The following NALCN variants were observed in gnomAD, a reference collection of about 807,000 sequenced individuals.
NALCN encodes sodium leak channel NALCN.
Under a neutral mutation model 225.3 loss-of-function variants are expected in NALCN, and 111 were observed. The ratio of observed to expected loss-of-function variants is 0.49; its 90% CI spans 0.42 to 0.58. The LOEUF is 0.58. Among genes scored for constraint, NALCN ranks in the 20% least tolerant of loss-of-function variants. The pLI is 0.00. For synonymous variants in NALCN, 764 were observed against 769.0 expected (o/e 0.99, Z 0.11); for missense variants, 1,378 against 2,202.4 (o/e 0.63, Z 7.49).
At chr13:101,236,047 A>G (rs192627886) in intron 12 of NALCN, among the ~76,000 whole-genome samples, 34 of 152,336 alleles carry the variant, frequency 2.2e-4, no homozygotes, top group Admixed American at 2.2e-3. Flanking sequence ...ATATCTATTT[A>G]GAAAACAATC....
chr13:101,151,216 G>C (rs1208470497), intron 15 of NALCN, among the ~76,000 whole-genome samples: 1 of 152,168 alleles, frequency 6.6e-6, no homozygotes, highest in Non-Finnish European at 1.5e-5. Context: ...AAGAGACTTC[G>C]GGTGTAATTG....
At chr13:101,416,568 T>TA (rs1555349737), upstream of NALCN, 4 of 152,132 alleles carry the variant, frequency 2.6e-5, no homozygotes, top group Non-Finnish European at 5.9e-5. Context: ...TTCGGGCCTT[T>TA]AAAAAATTAT....
At chr13:101,070,985 TG>T (rs1173658576) in intron 37 of NALCN, among the ~76,000 whole-genome samples, 2 of 151,948 alleles carry the variant, frequency 1.3e-5, no homozygotes, top group Non-Finnish European at 2.9e-5. Flanking sequence ...GCCAAGAAAA[TG>T]GGGGGAAAAA....
intron 15 of NALCN, among the ~76,000 whole-genome samples, chr13:101,147,387 C>T (rs1459395603): frequency 1.5e-5 from 2 of 133,632 alleles, no homozygotes; most frequent in Admixed American, 1.6e-4. Context: ...TGGAGTCTTG[C>T]TCTGTCTCCC....
At chr13:101,413,845 G>C (rs1401353871) in intron 1 of NALCN, among the ~76,000 whole-genome samples, 1 of 152,128 alleles carries the variant, frequency 6.6e-6, no homozygotes, top group Non-Finnish European at 1.5e-5. Flanking sequence ...CATGAGTGAA[G>C]CTCTAAAATG....
intron 14 of NALCN, among the ~76,000 whole-genome samples, chr13:101,188,360 C>T (rs2039533187): frequency 6.6e-6 from 1 of 152,076 alleles, no homozygotes; most frequent in South Asian, 2.1e-4. Flanking sequence ...GAGGGAAACA[C>T]ATGACCATGT....
chr13:101,219,415 T>C (rs576944018), intron 13 of NALCN, among the ~76,000 whole-genome samples: 54 of 152,270 alleles, frequency 3.5e-4, no homozygotes, highest in African/African-American at 1.2e-3. Context: ...GGATGACAGA[T>C]GTTTGTGTTG....
chr13:101,109,279 A>T (rs2035304335), intron 20 of NALCN, among the ~76,000 whole-genome samples: 1 of 152,204 alleles, frequency 6.6e-6, no homozygotes, highest in Admixed American at 6.5e-5. Context: ...AGCCAATCAG[A>T]TAGAGCTATG....
In NALCN at chr13:101,221,942, A is replaced by G. The variant is rs972163255; in HGVS notation, c.1626+7451T>C. 1.6e-4 allele frequency among the ~76,000 whole-genome samples: 25 copies of G among 152,174 alleles called. 1 individual carries two copies. The highest frequency in any genetic ancestry group is 2.9e-5 in the Non-Finnish European group (2 of 68,046). On this transcript the variant is annotated intron_variant, in intron 13 of 43. Transcript: ENST00000251127. ...AACCCCTTTATGAACACACAAAAGG[A>G]AATCTTGACCAACCACTCACTCCCA...
At chr13:101,221,840 G>A (rs1033732271) in intron 13 of NALCN, among the ~76,000 whole-genome samples, 3 of 152,232 alleles carry the variant, frequency 2.0e-5, no homozygotes, top group African/African-American at 4.8e-5. Context: ...TTCCTAAAAC[G>A]AAAAGGGACT....
At chr13:101,083,368 C>T (rs1431963557) in intron 31 of NALCN, among the ~76,000 whole-genome samples, 170 bp from the exon 32 acceptor site, 1 of 152,094 alleles carries the variant, frequency 6.6e-6, no homozygotes. Flanking sequence ...ATATTCAAAA[C>T]GACAGTGCAT....
chr13:101,194,159 G>A (rs2039796493), intron 13 of NALCN, among the ~76,000 whole-genome samples: 1 of 152,140 alleles, frequency 6.6e-6, no homozygotes, highest in Non-Finnish European at 1.5e-5. Context: ...TTGGGAACGT[G>A]GAGTTATGGG....
intron 7 of NALCN, among the ~76,000 whole-genome samples, chr13:101,300,604 C>T (rs1460949466): frequency 6.6e-6 from 1 of 152,022 alleles, no homozygotes; most frequent in Non-Finnish European, 1.5e-5. Context: ...CATAAGCCAC[C>T]ACGCTCAGCC....
intron 15 of NALCN, among the ~76,000 whole-genome samples, chr13:101,175,378 T>C (rs1368957219): frequency 1.3e-5 from 2 of 151,984 alleles, no homozygotes; most frequent in Non-Finnish European, 2.9e-5. Context: ...AAAATTTAAA[T>C]AGGTTATACT....
chr13:101,212,233 T>A (rs150617263), intron 13 of NALCN, among the ~76,000 whole-genome samples: 1 of 152,264 alleles, frequency 6.6e-6, no homozygotes, highest in African/African-American at 2.4e-5. Flanking sequence ...TAAAGACAAA[T>A]CTTTATAAAG....
At chr13:101,240,617 T>TA (rs2041724943) in intron 11 of NALCN, among the ~76,000 whole-genome samples, 1 of 152,122 alleles carries the variant, frequency 6.6e-6, no homozygotes. Flanking sequence ...TACAGTTATA[T>TA]AATGGTTGCT....
At chr13:101,293,673 G>A (rs963233134) in intron 7 of NALCN, among the ~76,000 whole-genome samples, 1 of 152,184 alleles carries the variant, frequency 6.6e-6, no homozygotes, top group African/African-American at 2.4e-5. Context: ...GCATGAGAAA[G>A]CAGAATCAGA....
intron 15 of NALCN, among the ~76,000 whole-genome samples, chr13:101,158,614 C>T (rs1197539761): frequency 1.3e-5 from 2 of 152,232 alleles, no homozygotes; most frequent in Admixed American, 6.5e-5. Context: ...ACTCTACCCC[C>T]ATCTGCACCA....
intron 36 of NALCN, 49 bp from the exon 37 acceptor site, chr13:101,073,726 G>T (rs772110053): frequency 6.6e-7 from 1 of 1,505,160 alleles, no homozygotes; most frequent in Non-Finnish European, 9.1e-7. Context: ...AGAAGGGTTT[G>T]TCATGAAATA....
Sources: allele counts gnomAD v4.1 joint callset (sites outside exome capture counted in the v4.1 genomes callset), GRCh38; gene constraint gnomAD v4.1.1; transcripts MANE v1.5; gene names NCBI Gene and HGNC (gene_info 2026-07-23, HGNC 2026-07-21).